The following DMD variants were observed in gnomAD, a reference collection of about 807,000 sequenced individuals.
DMD encodes the protein dystrophin.
Under a neutral mutation model 330.1 loss-of-function variants are expected in DMD, and 63 were observed. The ratio of observed to expected loss-of-function variants is 0.19; its 90% CI spans 0.16 to 0.24. DMD has a LOEUF of 0.24. DMD is among the 10% of genes least tolerant of loss of function. The pLI is 1.00. For synonymous variants in DMD, 1,223 were observed against 959.8 expected (o/e 1.27, Z -5.07); for missense variants, 3,344 against 2,684.1 (o/e 1.25, Z -5.43).
intron 9 of DMD, among the ~76,000 whole-genome samples, chrX:32,656,322 G>A (rs754199918): frequency 3.6e-5 from 4 of 111,791 alleles, no homozygotes; most frequent in Non-Finnish European, 7.5e-5. Context: ...GGGGATGATC[G>A]AAAAACTGGG....
chrX:32,756,888 G>T (rs1378046462), intron 7 of DMD, among the ~76,000 whole-genome samples: 1 of 111,575 alleles, frequency 9.0e-6, no homozygotes, highest in Non-Finnish European at 1.9e-5. Flanking sequence ...GGAAAGCAAA[G>T]TGCCCTATAT....
chrX:32,822,054 A>G (rs1239420760), intron 5 of DMD, among the ~76,000 whole-genome samples: 1 of 111,595 alleles, frequency 9.0e-6, no homozygotes, highest in Non-Finnish European at 1.9e-5. Context: ...TTACATTTCA[A>G]AAACGCTGAT....
At chrX:31,654,601 C>T (rs1421487868) in intron 54 of DMD, among the ~76,000 whole-genome samples, 2 of 111,842 alleles carry the variant, frequency 1.8e-5, no homozygotes, top group African/African-American at 6.5e-5. Flanking sequence ...AGATCATGTC[C>T]TTTGCAGGGA....
At chrX:33,009,620 GTA>G (rs1480402460) in intron 2 of DMD, among the ~76,000 whole-genome samples, 2 of 53,354 alleles carry the variant, frequency 3.7e-5, no homozygotes, top group Admixed American at 1.8e-4. Flanking sequence ...ACATATGTGT[GTA>G]TGTGTGTATG....
At chrX:32,787,213 A>AGTGTGTGTGTGTGTGTGTGTGTGT (rs72078806) in intron 7 of DMD, among the ~76,000 whole-genome samples, 1 of 83,379 alleles carries the variant, frequency 1.2e-5, no homozygotes, top group African/African-American at 4.6e-5. Context: ...CTCTCTGTCA[A>AGTGTGTGTGTGTGTGTGTGTGTGT]GTGTGTGTGT....
intron 43 of DMD, among the ~76,000 whole-genome samples, chrX:32,224,873 G>A (rs999639776): frequency 9.9e-5 from 11 of 111,174 alleles, no homozygotes; most frequent in Admixed American, 1.9e-4. Flanking sequence ...CCCTCTCTTC[G>A]CTGTTGAAAT....
chrX:32,360,800 A>AATAATAATAATAAT (rs2097829867), intron 37 of DMD, among the ~76,000 whole-genome samples: 2 of 95,953 alleles, frequency 2.1e-5, no homozygotes, highest in Admixed American at 1.2e-4. Context: ...CACACACACA[A>AATAATAATAATAAT]AATAATAATA....
At chrX:32,785,511 G>A (rs1603418566) in intron 7 of DMD, among the ~76,000 whole-genome samples, 1 of 111,148 alleles carries the variant, frequency 9.0e-6, no homozygotes, top group Non-Finnish European at 1.9e-5. Context: ...AAGAAGGCTA[G>A]GTAAGGAGTA....
intron 1 of DMD, among the ~76,000 whole-genome samples, chrX:33,071,883 T>C (rs2094763443): frequency 8.9e-6 from 1 of 112,081 alleles, no homozygotes; most frequent in African/African-American, 3.2e-5. Context: ...TTTTACATTT[T>C]TCGTAAAGAT....
At chrX:32,962,457 G>A (rs1213918040) in intron 2 of DMD, among the ~76,000 whole-genome samples, 2 of 111,563 alleles carry the variant, frequency 1.8e-5, no homozygotes, top group Non-Finnish European at 3.8e-5. Flanking sequence ...GTTGAGCATA[G>A]GGCTTTTTAT....
chrX:33,083,187 T>G (rs1466712705), intron 1 of DMD, among the ~76,000 whole-genome samples: 1 of 111,957 alleles, frequency 8.9e-6, no homozygotes, highest in African/African-American at 3.2e-5. Flanking sequence ...GCTTGTGCTA[T>G]AGCTGTGGGG....
intron 42 of DMD, among the ~76,000 whole-genome samples, chrX:32,301,084 TAATATTATGC>T (rs2097521790): frequency 9.1e-6 from 1 of 109,607 alleles, no homozygotes; most frequent in Non-Finnish European, 1.9e-5. Context: ...ACATATTTGG[TAATATTATGC>T]CCGTTTTATA....
intron 2 of DMD, among the ~76,000 whole-genome samples, chrX:33,012,277 G>A (rs2093716647): frequency 9.0e-6 from 1 of 111,525 alleles, no homozygotes. Context: ...TAATCATCTT[G>A]ATTCCAAACA....
chrX:31,728,920 T>C (rs1240960735), intron 52 of DMD, among the ~76,000 whole-genome samples: 2 of 111,102 alleles, frequency 1.8e-5, no homozygotes, highest in Non-Finnish European at 1.9e-5. Flanking sequence ...TTGGACCTCA[T>C]TTCTGAGGAG....
At chrX:33,247,340 T>C (rs1481275271) in intron 1 of DMD, among the ~76,000 whole-genome samples, 2 of 112,005 alleles carry the variant, frequency 1.8e-5, no homozygotes, top group Non-Finnish European at 3.8e-5. Context: ...TAGTAGCAAA[T>C]ACATGTTCAT....
At chrX:31,997,504 T>C (rs1212123011) in intron 44 of DMD, among the ~76,000 whole-genome samples, 1 of 109,531 alleles carries the variant, frequency 9.1e-6, no homozygotes, top group African/African-American at 3.3e-5. Context: ...TAAACACTAA[T>C]TGTTGTCACC....
intron 16 of DMD, among the ~76,000 whole-genome samples, chrX:32,551,084 T>C (rs1283733570): frequency 2.7e-5 from 3 of 111,379 alleles, no homozygotes; most frequent in African/African-American, 6.5e-5. Context: ...ATCATTCCTA[T>C]GAAACCACTC....
In DMD at chrX:32,072,429, G is replaced by GAA. The variant is rs201020107; in HGVS notation, c.6439-103917_6439-103916dup. On this transcript the variant is annotated intron_variant, in intron 44 of 78. Transcript: ENST00000357033. The stretch of plus-strand genomic sequence containing the variant: ...TTCAAAAATAATATCTTCTATTTGG[G>GAA]AAAAAAAAAAATGCTTTACAAAAGA... Among the ~76,000 whole-genome samples, 13 of 103,435 alleles carry GAA rather than the reference G, an allele frequency of 1.3e-4. 1 individual carries two copies. The highest frequency in any genetic ancestry group is 9.1e-4 in the East Asian group (3 of 3,282). 89.8% of individuals were successfully genotyped at this position (103,435 alleles called of 115,157 possible).
intron 2 of DMD, among the ~76,000 whole-genome samples, chrX:32,895,277 A>G (rs1234854782): frequency 8.9e-6 from 1 of 112,620 alleles, no homozygotes; most frequent in African/African-American, 3.2e-5. Context: ...TATTTTATAC[A>G]GTAATATTTT....
Sources: gnomAD v4.1 joint callset for allele counts (sites outside exome capture counted in the v4.1 genomes callset) on GRCh38, gnomAD v4.1.1 for gene constraint, MANE v1.5 for transcripts, NCBI Gene and HGNC (gene_info 2026-07-23, HGNC 2026-07-21) for gene names.